FAM107B: variants seen among roughly 807,000 people sequenced by gnomAD.
FAM107B encodes the protein family with sequence similarity 107 member B.
A neutral mutation model predicts 31.5 loss-of-function variants in FAM107B; 21 were observed. That is an observed-to-expected ratio of 0.67 (90% CI 0.47 to 0.96). The LOEUF (loss-of-function observed/expected upper bound fraction) is 0.96. Among genes scored for constraint, FAM107B ranks in the 40% least tolerant of loss-of-function variants. The probability of loss-of-function intolerance (pLI) is 0.00; values close to 1 mark genes in which losing one functional copy is unlikely to be tolerated. For missense variants in FAM107B, 452 were observed against 377.1 expected, an observed-to-expected ratio of 1.20 and a Z score of -1.64; for synonymous variants, 157 against 141.5, an observed-to-expected ratio of 1.11 and a Z score of -0.78.
chr10:14,612,920 T>C (rs1157489500), intron 2 of FAM107B, among the ~76,000 whole-genome samples: 1 of 152,044 alleles, frequency 6.6e-6, no homozygotes, highest in Non-Finnish European at 1.5e-5. Context: ...CCTAGAAAAA[T>C]ACAAGTCGCT....
At position 14,520,083 on chromosome 10, in the gene FAM107B, T is replaced by G. The variant is rs1317022950; in HGVS notation, c.*1107A>C. On this transcript the variant is annotated 3_prime_UTR_variant, in exon 5 of 5. Coordinates refer to ENST00000181796, the MANE Select transcript of FAM107B (RefSeq NM_031453.4). ...ATCATCACTCAGACAGTGGTGAAAG[T>G]CTTTCTTCACAAGGAAAAACAAAGA... 1 of 152,618 alleles carries G rather than the reference T, an allele frequency of 6.6e-6. No homozygotes were observed. Among genetic ancestry groups the G allele is most frequent in the Admixed American group, 6.5e-5 (1 of 15,274 alleles). The allele number at this position is 152,618 out of a possible 1,614,324, so 9.5% of individuals were successfully genotyped here.
intron 1 of FAM107B, among the ~76,000 whole-genome samples, chr10:14,703,327 CTT>C (rs532320563): frequency 1.4e-5 from 2 of 138,842 alleles, no homozygotes; most frequent in East Asian, 2.1e-4. Flanking sequence ...CCTTCTTCTT[CTT>C]TTTTTTTTTT....
chr10:14,726,978 A>G (rs1226114772), intron 1 of FAM107B, among the ~76,000 whole-genome samples: 2 of 152,026 alleles, frequency 1.3e-5, no homozygotes, highest in African/African-American at 2.4e-5. Context: ...TCCTGCAACT[A>G]GATGGTCCCA....
chr10:14,572,302 T>A, intron 2 of FAM107B: 3 of 985,410 alleles, frequency 3.0e-6, no homozygotes, highest in Non-Finnish European at 3.6e-6. Flanking sequence ...CTCCTCTACT[T>A]GTAAGCAAAT....
At chr10:14,645,772 T>A (rs1411746785) in intron 2 of FAM107B, among the ~76,000 whole-genome samples, 1 of 152,246 alleles carries the variant, frequency 6.6e-6, no homozygotes, top group African/African-American at 2.4e-5. Context: ...AGCTCCCAGA[T>A]AAATTCTCTC....
intron 2 of FAM107B, among the ~76,000 whole-genome samples, chr10:14,642,318 C>A (rs922074357): frequency 6.6e-6 from 1 of 152,172 alleles, no homozygotes; most frequent in African/African-American, 2.4e-5. Context: ...AGGCTGTGTC[C>A]CCAAGGCTCC....
intron 1 of FAM107B, among the ~76,000 whole-genome samples, chr10:14,751,879 G>A (rs1832834537): frequency 6.6e-6 from 1 of 152,042 alleles, no homozygotes; most frequent in African/African-American, 2.4e-5. Context: ...TCCAAAGGAG[G>A]TAAAGGGCTG....
At chr10:14,595,507 C>T (rs1460901569) in intron 2 of FAM107B, among the ~76,000 whole-genome samples, 1 of 146,878 alleles carries the variant, frequency 6.8e-6, no homozygotes, top group African/African-American at 2.5e-5. Flanking sequence ...CTCACTGCAA[C>T]CTCCGCCTCC....
At chr10:14,678,600 C>G (rs1339962688) in intron 1 of FAM107B, among the ~76,000 whole-genome samples, 1 of 136,400 alleles carries the variant, frequency 7.3e-6, no homozygotes, top group Non-Finnish European at 1.7e-5. Context: ...CTAACGCTAA[C>G]AAATAGCTTC....
chr10:14,545,432 T>A (rs896510744), intron 2 of FAM107B, among the ~76,000 whole-genome samples: 2 of 152,214 alleles, frequency 1.3e-5, no homozygotes, highest in Non-Finnish European at 2.9e-5. Context: ...TATCTCTTGA[T>A]GAATACCTGG....
chr10:14,709,889 A>G (rs577360804), intron 1 of FAM107B, among the ~76,000 whole-genome samples: 1 of 152,338 alleles, frequency 6.6e-6, no homozygotes, highest in African/African-American at 2.4e-5. Flanking sequence ...TGGAGACAGT[A>G]AAAAGATAGC....
intron 2 of FAM107B, among the ~76,000 whole-genome samples, chr10:14,594,512 A>AC (rs1564592103): frequency 1.3e-5 from 2 of 149,240 alleles, no homozygotes; most frequent in East Asian, 4.0e-4. Flanking sequence ...AAAAAAAAAA[A>AC]AAAAACAAAA....
At chr10:14,630,905 G>A (rs865874931) in intron 2 of FAM107B, among the ~76,000 whole-genome samples, 1 of 151,880 alleles carries the variant, frequency 6.6e-6, no homozygotes, top group Non-Finnish European at 1.5e-5. Context: ...TAGAACATCA[G>A]TAAAGGACCT....
At chr10:14,609,281 A>G (rs1324182182) in intron 2 of FAM107B, among the ~76,000 whole-genome samples, 3 of 152,190 alleles carry the variant, frequency 2.0e-5, no homozygotes, top group Admixed American at 2.0e-4. Context: ...CAGAAATGGC[A>G]TGACTGGGGT....
At chr10:14,628,374 T>G (rs1184668483) in intron 2 of FAM107B, among the ~76,000 whole-genome samples, 2 of 152,112 alleles carry the variant, frequency 1.3e-5, no homozygotes, top group Non-Finnish European at 2.9e-5. Context: ...TGCCTTGATC[T>G]CCCAAAGTGT....
intron 2 of FAM107B, among the ~76,000 whole-genome samples, chr10:14,616,625 C>A (rs1301736600): frequency 6.6e-6 from 1 of 152,160 alleles, no homozygotes; most frequent in Non-Finnish European, 1.5e-5. Context: ...GAAAGGCACA[C>A]TCGAGAGAGT....
intron 2 of FAM107B, among the ~76,000 whole-genome samples, chr10:14,663,191 T>G (rs1854294205): frequency 6.6e-6 from 1 of 152,242 alleles, no homozygotes; most frequent in African/African-American, 2.4e-5. Flanking sequence ...TTTGAGATTT[T>G]GGGTTTGGAC....
chr10:14,581,128 C>T (rs1425776447), intron 2 of FAM107B, among the ~76,000 whole-genome samples: 1 of 152,168 alleles, frequency 6.6e-6, no homozygotes, highest in Non-Finnish European at 1.5e-5. Flanking sequence ...CAAATGAGCA[C>T]GCACATATCT....
At chr10:14,746,277 G>A (rs1832725780) in intron 1 of FAM107B, among the ~76,000 whole-genome samples, 1 of 151,964 alleles carries the variant, frequency 6.6e-6, no homozygotes, top group Non-Finnish European at 1.5e-5. Context: ...TTTTAATTGG[G>A]GCATTTAGTC....
Sources: gnomAD v4.1 joint callset for allele counts (sites outside exome capture counted in the v4.1 genomes callset) on GRCh38, gnomAD v4.1.1 for gene constraint, MANE v1.5 for transcripts, NCBI Gene and HGNC (gene_info 2026-07-23, HGNC 2026-07-21) for gene names.